PANK3: variants seen among roughly 807,000 people sequenced by gnomAD.
The protein encoded by PANK3 is hPanK3.
PANK3 carries 20 observed loss-of-function variants against 39.4 expected under a neutral mutation model. The ratio of observed to expected loss-of-function variants is 0.51; its 90% CI spans 0.36 to 0.74. The LOEUF is 0.74. Among genes scored for constraint, PANK3 ranks in the 30% least tolerant of loss-of-function variants. The probability of loss-of-function intolerance (pLI) is 0.00; values close to 1 mark genes in which losing one functional copy is unlikely to be tolerated. For missense variants in PANK3, 265 were observed against 437.0 expected (o/e 0.61, Z 3.51); for synonymous variants, 140 against 157.3 (o/e 0.89, Z 0.82).
chr5:168,563,083 A>G (rs984781772), intron 4 of PANK3, among the ~76,000 whole-genome samples: 1 of 152,204 alleles, frequency 6.6e-6, no homozygotes, highest in Non-Finnish European at 1.5e-5. Flanking sequence ...AAGATAAACT[A>G]TAAGTAAATC....
intron 6 of PANK3, 93 bp from the exon 7 acceptor site, chr5:168,557,714 T>C (rs752609764): frequency 3.9e-6 from 4 of 1,024,256 alleles, no homozygotes; most frequent in Non-Finnish European, 5.7e-6. Flanking sequence ...GCACAATCTA[T>C]TTGTTTAATA....
intron 2 of PANK3, among the ~76,000 whole-genome samples, chr5:168,567,012 G>A (rs35169237): frequency 0.17 from 25,289 of 152,162 alleles, 2,528 homozygotes; most frequent in East Asian, 0.46. Flanking sequence ...CCAAAGTGCT[G>A]GAATTACAGG....
intron 6 of PANK3, among the ~76,000 whole-genome samples, chr5:168,558,822 T>C (rs895887682): frequency 1.3e-5 from 2 of 152,184 alleles, no homozygotes; most frequent in South Asian, 2.1e-4. Context: ...ACAAAAAATA[T>C]TAATAAAAAT....
rs558129177 is a variant in PANK3 at position 168,564,050 on chromosome 5, G to C, written c.651C>G (p.Thr217=). The C allele has an allele frequency of 3.7e-6, 6 of 1,606,980 alleles. No homozygotes were observed. In the African/African-American group the frequency reaches 6.7e-5, roughly 18 times the overall value. ...TCAATAAACTGCATAAACCCAGAAAGGTACCCCCTCCAAGGCTAAAGAAAA... is the reference window on the plus strand; with the variant it reads ...TCAATAAACTGCATAAACCCAGAAACGTACCCCCTCCAAGGCTAAAGAAAA... The part of the protein sequence containing the change: ...RVTGTSLGGG[T]FLGLCSLLTG... The change falls in exon 4 of 7, where the codon ACC becomes ACG. Residue 217 remains threonine (T), a synonymous_variant. Coordinates refer to ENST00000239231, the MANE Select transcript of PANK3 (RefSeq NM_024594.4).
Position 168,554,395 on chromosome 5 carries a change from C to CA in PANK3, c.*3175dup, listed in dbSNP as rs1357448299. 6.6e-6 allele frequency: 1 copy of CA among 152,112 alleles called. No homozygotes were observed. The highest frequency in any genetic ancestry group is 1.5e-5 in the Non-Finnish European group (1 of 67,998). The allele number at this position is 152,112 out of a possible 1,614,324, so 9.4% of individuals were successfully genotyped here. On this transcript the variant is annotated 3_prime_UTR_variant, in exon 7 of 7. Transcript: ENST00000239231. ...TACTTAATAGTTTTCAGTAGACTAT[C>CA]AAGAGATGCATGATAAAGACATTTC...
At chr5:168,569,857 G>T (rs1759598300) in intron 1 of PANK3, among the ~76,000 whole-genome samples, 1 of 152,008 alleles carries the variant, frequency 6.6e-6, no homozygotes, top group South Asian at 2.1e-4. Context: ...TTTGAAACCA[G>T]CCTTGGCAAT....
chr5:168,566,931 T>C (rs1759544828), intron 2 of PANK3, among the ~76,000 whole-genome samples: 1 of 152,180 alleles, frequency 6.6e-6, no homozygotes, highest in Admixed American at 6.5e-5. Flanking sequence ...TTAGTAGAGA[T>C]GAGGTTTCAC....
chr5:168,563,772 C>T (rs1759480689), intron 4 of PANK3, 117 bp downstream of exon 4: 2 of 858,580 alleles, frequency 2.3e-6, no homozygotes, highest in Non-Finnish European at 3.3e-6. Context: ...AAACTTGGAA[C>T]CTAAACTGGA....
Position 168,556,325 on chromosome 5 carries a change from G to T in PANK3, c.*1246C>A, listed in dbSNP as rs546636323. On this transcript the variant is annotated 3_prime_UTR_variant, in exon 7 of 7. Transcript: ENST00000239231. ...AGAGGAGGTGGAGAGATTTACTCCT[G>T]CCATGGATCATATGCATTTCTACCA... 6.6e-6 allele frequency: 1 copy of T among 152,284 alleles called. No individual in the cohort carries two copies. The allele number at this position is 152,284 out of a possible 1,614,324, so 9.4% of individuals were successfully genotyped here.
rs1400060170 is a variant in PANK3, at chr5:168,554,829, C to A, written c.*2742G>T. 1 of 152,188 alleles carries A rather than the reference C, an allele frequency of 6.6e-6. No homozygotes were observed. The highest frequency in any genetic ancestry group is 1.5e-5 in the Non-Finnish European group (1 of 68,026). The allele number at this position is 152,188 out of a possible 1,614,324, so 9.4% of individuals were successfully genotyped here. On this transcript the variant is annotated 3_prime_UTR_variant, in exon 7 of 7. Coordinates refer to ENST00000239231, the MANE Select transcript of PANK3 (RefSeq NM_024594.4). ...CCTGTGGCAAATACTGTATTAGCAT[C>A]TATAGATTTAGGGCAATCTTTAAGA... is the stretch of plus-strand genomic sequence containing the variant.
In PANK3 at chr5:168,555,106, C is replaced by A. The variant is rs1759329066; in HGVS notation, c.*2465G>T. ...TCTCGAGTAACTCCCTGTAAGCTCA[C>A]TGTGGTAAATAGATTTGGTTCTAAT... is the stretch of plus-strand genomic sequence containing the variant. On this transcript the variant is annotated 3_prime_UTR_variant, in exon 7 of 7. Coordinates refer to ENST00000239231, the MANE Select transcript of PANK3 (RefSeq NM_024594.4). The A allele has an allele frequency of 6.6e-6, 1 of 152,220 alleles. No homozygotes were observed. Among genetic ancestry groups the A allele is most frequent in the Non-Finnish European group, 1.5e-5 (1 of 68,038 alleles). 9.4% of individuals were successfully genotyped at this position (152,220 alleles called of 1,614,324 possible). A position where few individuals can be genotyped will look rare whatever the true frequency, so the allele number is the denominator to read the frequency against.
At chr5:168,573,440 A>AAAAAAAAAAAAAAAAAAC (rs1759679755) in intron 1 of PANK3, among the ~76,000 whole-genome samples, 1 of 142,180 alleles carries the variant, frequency 7.0e-6, no homozygotes, top group Non-Finnish European at 1.5e-5. Context: ...AAAAAAAAAA[A>AAAAAAAAAAAAAAAAAAC]AAAAAAGGCA....
Position 168,553,062 on chromosome 5 carries a change from G to A in PANK3, c.*4509C>T, listed in dbSNP as rs1759296679. 7.5e-6 allele frequency: 3 copies of A among 399,342 alleles called. No homozygotes were observed. Among genetic ancestry groups the A allele is most frequent in the Admixed American group, 3.2e-5 (1 of 31,452 alleles). The allele number at this position is 399,342 out of a possible 1,614,324, so 24.7% of individuals were successfully genotyped here. A position where few individuals can be genotyped will look rare whatever the true frequency, so the allele number is the denominator to read the frequency against. ...CTACAATTGCTGAAGGATCTCATTA[G>A]TACTCTTCCTTTCTGTTAATGAGCA... On this transcript the variant is annotated 3_prime_UTR_variant, in exon 7 of 7. Coordinates refer to ENST00000239231, the MANE Select transcript of PANK3 (RefSeq NM_024594.4).
chr5:168,563,767 T>C (rs546527465), intron 4 of PANK3, 122 bp downstream of exon 4: 1 of 790,602 alleles, frequency 1.3e-6, no homozygotes, highest in African/African-American at 1.8e-5. Flanking sequence ...GTTCAAAACT[T>C]GGAACCTAAA....
intron 1 of PANK3, among the ~76,000 whole-genome samples, chr5:168,577,661 T>A (rs998028189): frequency 2.6e-5 from 4 of 152,192 alleles, no homozygotes; most frequent in Non-Finnish European, 4.4e-5. Flanking sequence ...CTTCTCATAA[T>A]AATCTTTATA....
rs1461689094 is a variant in PANK3, at chr5:168,551,483, T to G, written c.*6088A>C. 6.6e-6 allele frequency: 1 copy of G among 152,120 alleles called. No individual in the cohort carries two copies. Among genetic ancestry groups the G allele is most frequent in the Non-Finnish European group, 1.5e-5 (1 of 68,000 alleles). 9.4% of individuals were successfully genotyped at this position (152,120 alleles called of 1,614,324 possible). ...AACTACATTCTCAAATGCAATAGACTAAAATGCATAAAGTGCTCAACAGAA... is the reference window on the plus strand; with the variant it reads ...AACTACATTCTCAAATGCAATAGACGAAAATGCATAAAGTGCTCAACAGAA... On this transcript the variant is annotated 3_prime_UTR_variant, in exon 7 of 7. Transcript: ENST00000239231.
Position 168,556,696 on chromosome 5 carries a change from A to G in PANK3, c.*875T>C, listed in dbSNP as rs1759354887. 1 of 152,642 alleles carries G rather than the reference A, an allele frequency of 6.6e-6. No individual in the cohort carries two copies. Among genetic ancestry groups the G allele is most frequent in the Non-Finnish European group, 1.5e-5 (1 of 68,040 alleles). The allele number at this position is 152,642 out of a possible 1,614,324, so 9.5% of individuals were successfully genotyped here. A position where few individuals can be genotyped will look rare whatever the true frequency, so the allele number is the denominator to read the frequency against. ...GTGACTAGACTGTGAATATTTACAGATGAATTTTCTATTATTAATGTTATT... is the reference window on the plus strand; with the variant it reads ...GTGACTAGACTGTGAATATTTACAGGTGAATTTTCTATTATTAATGTTATT... On this transcript the variant is annotated 3_prime_UTR_variant, in exon 7 of 7. Transcript: ENST00000239231.
At chr5:168,566,338 T>C in intron 2 of PANK3, 72 bp from the exon 3 acceptor site, 3 of 1,467,724 alleles carry the variant, frequency 2.0e-6, no homozygotes, top group Non-Finnish European at 2.7e-6. Flanking sequence ...TTTTCCTGTA[T>C]TACTTTACAA....
At chr5:168,563,803 A>C (rs1300565245) in intron 4 of PANK3, 86 bp downstream of exon 4, 1 of 1,254,788 alleles carries the variant, frequency 8.0e-7, no homozygotes, top group Non-Finnish European at 1.1e-6. Context: ...CACCCTTACA[A>C]CTTTCTGTTA....
Sources: gnomAD v4.1 joint callset for allele counts (sites outside exome capture counted in the v4.1 genomes callset) on GRCh38, gnomAD v4.1.1 for gene constraint, MANE v1.5 for transcripts, NCBI Gene and HGNC (gene_info 2026-07-23, HGNC 2026-07-21) for gene names.